The following CTNND2 variants were observed in gnomAD, a reference collection of about 807,000 sequenced individuals.
CTNND2 encodes catenin delta 2, also known as catenin delta-2.
Under a neutral mutation model 144.4 loss-of-function variants are expected in CTNND2, and 22 were observed. That is an observed-to-expected ratio of 0.15 (90% CI 0.11 to 0.22). The LOEUF (loss-of-function observed/expected upper bound fraction) is 0.22, where lower values mean the gene tolerates loss of function less well. Ranked by LOEUF, CTNND2 falls within the 10% of genes least tolerant of loss-of-function variation. The pLI is 1.00. For missense variants in CTNND2, 1,353 were observed against 1,618.8 expected (o/e 0.84, Z 2.82); for synonymous variants, 751 against 695.6 (o/e 1.08, Z -1.25).
intron 8 of CTNND2, among the ~76,000 whole-genome samples, chr5:11,361,504 A>G (rs542576691): frequency 5.9e-5 from 9 of 152,322 alleles, no homozygotes; most frequent in East Asian, 5.8e-4. Flanking sequence ...TGACCTTCGC[A>G]TATTACTCAA....
At chr5:11,086,453 G>A (rs2907105) in intron 15 of CTNND2, among the ~76,000 whole-genome samples, 100,311 of 152,076 alleles carry the variant, frequency 0.66, 34,531 homozygotes, top group African/African-American at 0.87. Context: ...GGTGAGGAAC[G>A]TAAAATGTGG....
chr5:11,836,413 G>A (rs530615004), intron 1 of CTNND2, among the ~76,000 whole-genome samples: 1 of 152,188 alleles, frequency 6.6e-6, no homozygotes, highest in East Asian at 1.9e-4. Flanking sequence ...TGGTAGGGAA[G>A]ACGTGAGCAC....
chr5:11,712,978 AAGAT>A (rs1325865766), intron 2 of CTNND2, among the ~76,000 whole-genome samples: 1 of 152,188 alleles, frequency 6.6e-6, no homozygotes, highest in East Asian at 1.9e-4. Flanking sequence ...GGTCAGGCTA[AAGAT>A]AAATAAAGTT....
intron 9 of CTNND2, among the ~76,000 whole-genome samples, chr5:11,274,582 T>G (rs1746340167): frequency 6.7e-6 from 1 of 149,820 alleles, no homozygotes; most frequent in African/African-American, 2.5e-5. Flanking sequence ...TGCTTTCGTT[T>G]TTTTTTTTTT....
At chr5:11,699,907 G>A (rs1343924232) in intron 2 of CTNND2, among the ~76,000 whole-genome samples, 1 of 152,116 alleles carries the variant, frequency 6.6e-6, no homozygotes, top group Non-Finnish European at 1.5e-5. Flanking sequence ...TTCCCTCTTT[G>A]GTTCAGCTTC....
chr5:11,641,627 T>C (rs1782014191), intron 2 of CTNND2, among the ~76,000 whole-genome samples: 1 of 150,508 alleles, frequency 6.6e-6, no homozygotes, highest in African/African-American at 2.5e-5. Flanking sequence ...TGTGTATACA[T>C]ATACGTGTGT....
At chr5:11,579,078 G>A (rs141000032) in intron 2 of CTNND2, among the ~76,000 whole-genome samples, 101 of 151,444 alleles carry the variant, frequency 6.7e-4, no homozygotes, top group Middle Eastern at 3.5e-3. Flanking sequence ...AGTGTGATCC[G>A]TTCTCAGATC....
At chr5:11,426,857 A>G (rs1434152140) in intron 3 of CTNND2, among the ~76,000 whole-genome samples, 1 of 152,220 alleles carries the variant, frequency 6.6e-6, no homozygotes, top group Non-Finnish European at 1.5e-5. Context: ...AGGGCAATTC[A>G]TGGTTCCATT....
At chr5:11,690,453 G>T (rs575613180) in intron 2 of CTNND2, among the ~76,000 whole-genome samples, 2 of 152,218 alleles carry the variant, frequency 1.3e-5, no homozygotes, top group South Asian at 4.1e-4. Context: ...ATTCACCTAC[G>T]ATATTAGAGG....
At chr5:11,015,810 A>G (rs1741542579) in intron 18 of CTNND2, among the ~76,000 whole-genome samples, 1 of 152,152 alleles carries the variant, frequency 6.6e-6, no homozygotes, top group African/African-American at 2.4e-5. Flanking sequence ...AATTTATACC[A>G]TGTTCCTCAT....
chr5:11,768,240 A>ACTCAGAGAGT (rs1382382525), intron 1 of CTNND2, among the ~76,000 whole-genome samples: 2 of 151,872 alleles, frequency 1.3e-5, no homozygotes, highest in Non-Finnish European at 2.9e-5. Context: ...GGCACCTAGC[A>ACTCAGAGAGT]CTCAGAGAGT....
intron 1 of CTNND2, among the ~76,000 whole-genome samples, chr5:11,860,500 G>C (rs549164859): frequency 2.6e-5 from 4 of 152,058 alleles, no homozygotes; most frequent in Non-Finnish European, 5.9e-5. Flanking sequence ...TTGGATTTCA[G>C]GTAATTATAG....
chr5:11,341,781 G>A (rs926649604), intron 9 of CTNND2, among the ~76,000 whole-genome samples: 11 of 152,174 alleles, frequency 7.2e-5, no homozygotes, highest in Non-Finnish European at 1.5e-5. Context: ...GCCAAGGCAG[G>A]AGGATCACTT....
chr5:11,094,385 C>A (rs1461884685), intron 15 of CTNND2, among the ~76,000 whole-genome samples: 1 of 151,994 alleles, frequency 6.6e-6, no homozygotes, highest in African/African-American at 2.4e-5. Context: ...TTCTTATATT[C>A]AGTTTTCCTA....
Position 11,520,065 on chromosome 5 carries a change from C to T in CTNND2, c.287+44879G>A, listed in dbSNP as rs1165352098. Among the ~76,000 whole-genome samples the T allele has an allele frequency of 5.4e-5, 8 of 148,904 alleles. No individual in the cohort carries two copies. In the South Asian group the frequency reaches 1.1e-3, roughly 20 times the overall value. ...GGGAGGCTGAGGCAGGAGAATCACT[C>T]GAACCCAGGAGGAAGAGGTTGCAAT... On this transcript the variant is annotated intron_variant, in intron 3 of 21. Transcript: ENST00000304623.
chr5:11,280,835 A>G (rs2149996031), intron 9 of CTNND2, among the ~76,000 whole-genome samples: 1 of 152,176 alleles, frequency 6.6e-6, no homozygotes, highest in South Asian at 2.1e-4. Flanking sequence ...GAAGACTATT[A>G]TCCAGCCCTG....
intron 11 of CTNND2, among the ~76,000 whole-genome samples, chr5:11,169,583 C>T (rs1759695314): frequency 2.0e-5 from 3 of 152,174 alleles, no homozygotes; most frequent in South Asian, 4.2e-4. Flanking sequence ...CTTGGCAAGG[C>T]CCCTAGCTGC....
chr5:11,737,259 C>T (rs1028948598), intron 1 of CTNND2, among the ~76,000 whole-genome samples: 1 of 152,142 alleles, frequency 6.6e-6, no homozygotes, highest in East Asian at 1.9e-4. Flanking sequence ...CTTTTGCCAA[C>T]CTGATATAGA....
chr5:11,483,330 G>A (rs1378771723), intron 3 of CTNND2, among the ~76,000 whole-genome samples: 2 of 152,164 alleles, frequency 1.3e-5, no homozygotes, highest in Non-Finnish European at 2.9e-5. Context: ...GGTGGGTGAG[G>A]TTGAAAGTTC....
Sources: allele counts gnomAD v4.1 joint callset (sites outside exome capture counted in the v4.1 genomes callset), GRCh38; gene constraint gnomAD v4.1.1; transcripts MANE v1.5; gene names NCBI Gene and HGNC (gene_info 2026-07-23, HGNC 2026-07-21).